PSTPIP1: variants seen among roughly 807,000 people sequenced by gnomAD.
The protein encoded by PSTPIP1 is proline-serine-threonine phosphatase-interacting protein 1.
PSTPIP1 carries 66 observed loss-of-function variants against 69.6 expected under a neutral mutation model. The observed-to-expected ratio is 0.95, with a 90% CI of 0.78 to 1.16. The LOEUF (loss-of-function observed/expected upper bound fraction) is 1.16, where lower values mean the gene tolerates loss of function less well. Ranked by LOEUF, PSTPIP1 falls within the 50% of genes most tolerant of loss-of-function variation. The pLI, the probability that PSTPIP1 is intolerant of heterozygous loss-of-function variation, is 0.00. For missense variants in PSTPIP1, 603 were observed against 557.4 expected, an observed-to-expected ratio of 1.08 and a Z score of -0.82; for synonymous variants, 266 against 222.7, an observed-to-expected ratio of 1.19 and a Z score of -1.73.
At chr15:77,014,162 C>G (rs866262158) in intron 1 of PSTPIP1, among the ~76,000 whole-genome samples, 1 of 152,126 alleles carries the variant, frequency 6.6e-6, no homozygotes, top group African/African-American at 2.4e-5. Context: ...CAGCTGCACC[C>G]GGCAGGTCCC....
intron 3 of PSTPIP1, 49 bp from the exon 4 acceptor site, chr15:77,025,235 G>T (rs372064325): frequency 1.9e-6 from 3 of 1,563,228 alleles, no homozygotes; most frequent in South Asian, 2.2e-5. Context: ...TGGACTGTAG[G>T]TTCCCGCTGT....
chr15:76,996,577 C>T (rs983841169), intron 1 of PSTPIP1, among the ~76,000 whole-genome samples: 1 of 152,266 alleles, frequency 6.6e-6, no homozygotes, highest in African/African-American at 2.4e-5. Flanking sequence ...CCTGGGGCTG[C>T]AGCCAGGAGG....
At chr15:77,013,444 GAGAAACATC>G (rs1555676683) in intron 1 of PSTPIP1, among the ~76,000 whole-genome samples, 6 of 152,164 alleles carry the variant, frequency 3.9e-5, no homozygotes, top group Non-Finnish European at 8.8e-5. Context: ...CTGTAAAGGG[GAGAAACATC>G]TCATTGCCCT....
In PSTPIP1 at chr15:77,035,569, G is replaced by T; in HGVS notation, c.985+6G>T. 1 of 1,575,858 alleles carries T rather than the reference G, an allele frequency of 6.3e-7. No individual in the cohort carries two copies. On this transcript the variant is annotated splice_donor_region_variant and intron_variant, in intron 13 of 14. Coordinates refer to ENST00000558012, the MANE Select transcript of PSTPIP1 (RefSeq NM_003978.5). ...TTCGTTGGCAGCTTCTGCTGGTAAAGGGGGTCAGGAGGGGACCCCCAAACA... is the reference window on the plus strand; with the variant it reads ...TTCGTTGGCAGCTTCTGCTGGTAAATGGGGTCAGGAGGGGACCCCCAAACA...
chr15:77,013,614 C>T lies in PSTPIP1; in HGVS notation c.37-4534C>T, dbSNP rs192383615. Among the ~76,000 whole-genome samples the T allele has an allele frequency of 2.9e-3, 438 of 152,298 alleles. 1 individual carries two copies. The highest frequency in any genetic ancestry group is 3.7e-3 in the Non-Finnish European group (254 of 68,020). On this transcript the variant is annotated intron_variant, in intron 1 of 14. Coordinates refer to ENST00000558012, the MANE Select transcript of PSTPIP1 (RefSeq NM_003978.5). ...CCACTTCCAACCTCTCCCGTTGCAC[C>T]CAATAGTCTGCTCCACTCAGCTTCT...
At position 76,995,399 on chromosome 15, in the gene PSTPIP1, C is replaced by A; in HGVS notation, c.-175C>A. ...CAAAACAGGTTGAGCTTTTTCCTCC[C>A]CTCAGAAGCTCCTCTCTGGCTCGTG... On this transcript the variant is annotated 5_prime_UTR_variant, in exon 1 of 15. Coordinates refer to ENST00000558012, the MANE Select transcript of PSTPIP1 (RefSeq NM_003978.5). The A allele has an allele frequency of 6.9e-7, 1 of 1,458,848 alleles. No homozygotes were observed. The highest frequency in any genetic ancestry group is 1.4e-5 in the South Asian group (1 of 70,758). 90.4% of individuals were successfully genotyped at this position (1,458,848 alleles called of 1,614,324 possible).
chr15:77,034,977 G>A (rs1235295117), intron 12 of PSTPIP1, among the ~76,000 whole-genome samples: 1 of 152,260 alleles, frequency 6.6e-6, no homozygotes, highest in African/African-American at 2.4e-5. Context: ...CCTGATCACC[G>A]TGGGCCCACA....
Position 77,027,921 on chromosome 15 carries a change from G to A in PSTPIP1, c.417+7G>A, listed in dbSNP as rs1035113783. 16 of 1,554,732 alleles carry A rather than the reference G, an allele frequency of 1.0e-5. No homozygotes were observed. The highest frequency in any genetic ancestry group is 1.4e-5 in the Non-Finnish European group (16 of 1,148,548). ...CTACAAGAAGGCCATGGAGGTGAGC[G>A]CCAGGGCCTGGGGCCGCGGCCTTCC... On this transcript the variant is annotated splice_region_variant and intron_variant, in intron 6 of 14. Transcript: ENST00000558012. The surrounding 1 kb of genome is among the most constrained non-coding windows in gnomAD (Gnocchi z 4.3).
At chr15:77,013,292 C>T (rs2075982380) in intron 1 of PSTPIP1, among the ~76,000 whole-genome samples, 1 of 152,174 alleles carries the variant, frequency 6.6e-6, no homozygotes, top group African/African-American at 2.4e-5. Context: ...TTTAAAGCTC[C>T]CCAGTTCCCC....
At chr15:77,033,684 G>A (rs895867319) in intron 12 of PSTPIP1, among the ~76,000 whole-genome samples, 2 of 152,132 alleles carry the variant, frequency 1.3e-5, no homozygotes, top group African/African-American at 4.8e-5. Flanking sequence ...CCTCTGGGAG[G>A]TAGTGGACTG....
intron 1 of PSTPIP1, among the ~76,000 whole-genome samples, chr15:77,013,067 A>C (rs893388939): frequency 2.6e-5 from 4 of 152,206 alleles, no homozygotes; most frequent in Admixed American, 2.0e-4. Context: ...ACTAGGTGCT[A>C]GCAAACCCAC....
At chr15:77,018,123 T>A in intron 1 of PSTPIP1, 25 bp from the exon 2 acceptor site, 1 of 1,558,464 alleles carries the variant, frequency 6.4e-7, no homozygotes, top group Non-Finnish European at 8.7e-7. Context: ...GTGGCCCTCA[T>A]GTGTCCTTCT....
At chr15:76,998,548 A>ATTGC (rs1312630589) in intron 1 of PSTPIP1, among the ~76,000 whole-genome samples, 1 of 152,172 alleles carries the variant, frequency 6.6e-6, no homozygotes. Context: ...TAGCCTATAG[A>ATTGC]TGTAGCAATT....
chr15:77,016,931 G>C (rs771696051), intron 1 of PSTPIP1, among the ~76,000 whole-genome samples: 1 of 152,150 alleles, frequency 6.6e-6, no homozygotes, highest in Non-Finnish European at 1.5e-5. Context: ...ATGTGTGTGC[G>C]ACCCTGGAGT....
At chr15:77,020,134 A>G (rs1343159879) in intron 3 of PSTPIP1, among the ~76,000 whole-genome samples, 1 of 152,142 alleles carries the variant, frequency 6.6e-6, no homozygotes. Context: ...CAGAAAATAC[A>G]ATGGGGGTGG....
chr15:77,031,368 C>T, intron 10 of PSTPIP1, 90 bp downstream of exon 10: 1 of 1,376,058 alleles, frequency 7.3e-7, no homozygotes, highest in Admixed American at 1.7e-5. Flanking sequence ...CAACAAGCAC[C>T]TGGTCCTCTG....
rs755806301 is a variant in PSTPIP1 at position 77,027,871 on chromosome 15, G to A, written c.374G>A (p.Arg125Gln). 9 of 1,569,446 alleles carry A rather than the reference G, an allele frequency of 5.7e-6. No homozygotes were observed. The highest frequency in any genetic ancestry group is 5.6e-5 in the Admixed American group (3 of 53,568). ...QRKKYEAVMD[R>Q]VQKSKLSLYK... ...CTGCAGTATGAGGCCGTCATGGACC[G>A]GGTCCAGAAGAGCAAGCTGTCGCTC... The change falls in exon 6 of 15, where the codon CGG becomes CAG. Residue 125 changes from arginine (R) to glutamine (Q), a missense_variant. Coordinates refer to ENST00000558012, the MANE Select transcript of PSTPIP1 (RefSeq NM_003978.5). This position sits in a 1 kb window ranked among gnomAD's most constrained non-coding sequence, Gnocchi z 4.3.
chr15:77,013,205 T>A (rs563112630), intron 1 of PSTPIP1, among the ~76,000 whole-genome samples: 1 of 152,210 alleles, frequency 6.6e-6, no homozygotes, highest in Non-Finnish European at 1.5e-5. Flanking sequence ...CTGTGGCCCA[T>A]GCTGGAGCTT....
intron 1 of PSTPIP1, among the ~76,000 whole-genome samples, chr15:76,996,448 G>T (rs540457513): frequency 6.6e-6 from 1 of 152,310 alleles, no homozygotes; most frequent in East Asian, 1.9e-4. Context: ...GACCTCTCTG[G>T]TTGGAGCTGG....
Sources: allele counts gnomAD v4.1 joint callset (sites outside exome capture counted in the v4.1 genomes callset), GRCh38; gene constraint gnomAD v4.1.1; non-coding constraint Gnocchi (gnomAD v3.1); transcripts MANE v1.5; gene names NCBI Gene and HGNC (gene_info 2026-07-23, HGNC 2026-07-21).